Variants in BMPR1B observed in about 807,000 individuals in gnomAD.
The protein encoded by BMPR1B is bone morphogenetic protein receptor type-1B.
Under a neutral mutation model 59.1 loss-of-function variants are expected in BMPR1B, and 12 were observed. The ratio of observed to expected loss-of-function variants is 0.20; its 90% CI spans 0.13 to 0.33. The LOEUF is 0.33. BMPR1B is among the 10% of genes least tolerant of loss of function. BMPR1B has a pLI of 1.00. For synonymous variants in BMPR1B, 237 were observed against 207.3 expected (o/e 1.14, Z -1.23); for missense variants, 550 against 610.9 (o/e 0.90, Z 1.05).
chr4:95,000,039 C>T (rs1157362837), intron 3 of BMPR1B, among the ~76,000 whole-genome samples: 1 of 152,116 alleles, frequency 6.6e-6, no homozygotes, highest in Non-Finnish European at 1.5e-5. Context: ...GCCCATCATA[C>T]ATAAAAGTAC....
intron 6 of BMPR1B, among the ~76,000 whole-genome samples, 158 bp downstream of exon 6, chr4:95,115,945 T>C (rs1731997708): frequency 6.6e-6 from 1 of 152,236 alleles, no homozygotes; most frequent in South Asian, 2.1e-4. Context: ...CGAAGACATG[T>C]GCAAGTAGTT....
intron 2 of BMPR1B, among the ~76,000 whole-genome samples, chr4:94,965,045 T>C (rs1730504359): frequency 6.6e-6 from 1 of 152,262 alleles, no homozygotes; most frequent in Admixed American, 6.5e-5. Context: ...ATCACTTTAT[T>C]GTCCACAGCA....
chr4:94,820,156 C>T (rs1043499290), intron 1 of BMPR1B, among the ~76,000 whole-genome samples: 7 of 152,222 alleles, frequency 4.6e-5, no homozygotes, highest in Admixed American at 1.3e-4. Flanking sequence ...CATCAAGACC[C>T]CCATTATGTA....
At chr4:94,833,271 A>T (rs1054171001) in intron 1 of BMPR1B, among the ~76,000 whole-genome samples, 1 of 152,166 alleles carries the variant, frequency 6.6e-6, no homozygotes, top group African/African-American at 2.4e-5. Flanking sequence ...ATTAATTAAT[A>T]CAAAGTGCCT....
At chr4:94,784,937 C>T (rs192116574) in intron 1 of BMPR1B, among the ~76,000 whole-genome samples, 49 of 152,206 alleles carry the variant, frequency 3.2e-4, no homozygotes, top group Non-Finnish European at 4.4e-4. Flanking sequence ...CATGATGTGC[C>T]GCATCTGGAC....
intron 3 of BMPR1B, among the ~76,000 whole-genome samples, chr4:95,097,626 C>T (rs1579073668): frequency 6.6e-6 from 1 of 152,116 alleles, no homozygotes; most frequent in African/African-American, 2.4e-5. Flanking sequence ...CAACCTCCAC[C>T]TCCTGGGTTC....
intron 1 of BMPR1B, among the ~76,000 whole-genome samples, chr4:94,804,127 C>G (rs1188446691): frequency 6.6e-6 from 1 of 152,160 alleles, no homozygotes; most frequent in Non-Finnish European, 1.5e-5. Flanking sequence ...ATCCGCCTGC[C>G]TCGGCCTCCC....
chr4:94,780,336 G>A (rs1409702259), intron 1 of BMPR1B, among the ~76,000 whole-genome samples: 1 of 152,066 alleles, frequency 6.6e-6, no homozygotes, highest in East Asian at 1.9e-4. Context: ...CATCCATATT[G>A]TAGCATGTGT....
chr4:94,861,503 G>C (rs1453409336), intron 1 of BMPR1B, among the ~76,000 whole-genome samples: 3 of 152,058 alleles, frequency 2.0e-5, no homozygotes, highest in Non-Finnish European at 4.4e-5. Flanking sequence ...GAATACCTGT[G>C]CTCAGACCCT....
rs138796539 is a variant in BMPR1B, at chr4:94,760,877, A to G, written c.-183+2809A>G. Among the ~76,000 whole-genome samples the G allele has an allele frequency of 4.5e-3, 684 of 152,326 alleles. 4 individuals are homozygous for G. The highest frequency in any genetic ancestry group is 0.016 in the African/African-American group (650 of 41,572). ...GATACTGATTCTTTGTGGATGCAGTAGCTCAAGGAAAATACTTAAGAATAG... is the reference window on the plus strand; with the variant it reads ...GATACTGATTCTTTGTGGATGCAGTGGCTCAAGGAAAATACTTAAGAATAG... On this transcript the variant is annotated intron_variant, in intron 1 of 12. Transcript: ENST00000515059.
chr4:95,007,703 GA>G (rs1722945639), intron 3 of BMPR1B, among the ~76,000 whole-genome samples: 1 of 152,164 alleles, frequency 6.6e-6, no homozygotes, highest in African/African-American at 2.4e-5. Flanking sequence ...TTTATACACA[GA>G]AAAATCAAGA....
Position 95,120,365 on chromosome 4 carries a change from A to C in BMPR1B, c.350-3445A>C, listed in dbSNP as rs374307526. ...GTGTCTTTTTGGCATATTCCTTTGGATATGTATACAGCATCACTCCTATTC... is the reference window on the plus strand; with the variant it reads ...GTGTCTTTTTGGCATATTCCTTTGGCTATGTATACAGCATCACTCCTATTC... On this transcript the variant is annotated intron_variant, in intron 6 of 12. Coordinates refer to ENST00000515059, the MANE Select transcript of BMPR1B (RefSeq NM_001203.3). Among the ~76,000 whole-genome samples, 7 of 152,304 alleles carry C rather than the reference A, an allele frequency of 4.6e-5. No homozygotes were observed. In the East Asian group the frequency reaches 7.7e-4, roughly 17 times the overall value.
At chr4:95,019,929 C>T (rs1433694681) in intron 3 of BMPR1B, among the ~76,000 whole-genome samples, 1 of 151,890 alleles carries the variant, frequency 6.6e-6, no homozygotes, top group Non-Finnish European at 1.5e-5. Flanking sequence ...ATAGTTACTG[C>T]CAATATTGGT....
intron 3 of BMPR1B, among the ~76,000 whole-genome samples, chr4:95,033,795 A>G (rs1264362361): frequency 2.6e-5 from 4 of 152,154 alleles, no homozygotes; most frequent in Non-Finnish European, 5.9e-5. Context: ...GATATCAAAG[A>G]TAGATAAAGA....
At chr4:94,777,991 A>G (rs996694408) in intron 1 of BMPR1B, among the ~76,000 whole-genome samples, 36 of 151,784 alleles carry the variant, frequency 2.4e-4, no homozygotes, top group Admixed American at 2.1e-3. Flanking sequence ...GCGGCATTGC[A>G]CTCCAGCCTG....
intron 1 of BMPR1B, among the ~76,000 whole-genome samples, chr4:94,778,302 C>G (rs891036458): frequency 1.6e-4 from 24 of 152,218 alleles, no homozygotes; most frequent in African/African-American, 5.8e-4. Context: ...GTATACCTAA[C>G]CAGCATATTT....
chr4:95,118,033 A>G (rs1466534282), intron 6 of BMPR1B, among the ~76,000 whole-genome samples: 1 of 152,114 alleles, frequency 6.6e-6, no homozygotes, highest in African/African-American at 2.4e-5. Context: ...TCTACTGAGC[A>G]TTGCGTAAGG....
chr4:94,994,883 G>A (rs1304150735), intron 2 of BMPR1B, among the ~76,000 whole-genome samples: 4 of 152,142 alleles, frequency 2.6e-5, no homozygotes, highest in Non-Finnish European at 5.9e-5. Context: ...AATCAGGCAA[G>A]GTTTCTAGTT....
At chr4:94,773,121 CTT>C (rs1722245827) in intron 1 of BMPR1B, among the ~76,000 whole-genome samples, 1 of 151,980 alleles carries the variant, frequency 6.6e-6, no homozygotes, top group African/African-American at 2.4e-5. Context: ...CATCTGTTCT[CTT>C]TTTCGGAAGA....
Sources: allele counts gnomAD v4.1 joint callset (sites outside exome capture counted in the v4.1 genomes callset), GRCh38; gene constraint gnomAD v4.1.1; transcripts MANE v1.5; gene names NCBI Gene and HGNC (gene_info 2026-07-23, HGNC 2026-07-21).